The following CELA3A variants were observed in gnomAD, a reference collection of about 807,000 sequenced individuals.
CELA3A encodes chymotrypsin-like elastase family member 3A.
A neutral mutation model predicts 38.6 loss-of-function variants in CELA3A; 35 were observed. The observed-to-expected ratio is 0.91, with a 90% CI of 0.69 to 1.20. The LOEUF is 1.20. CELA3A is among the 50% of genes most tolerant of loss of function. The pLI is 0.00. For synonymous variants in CELA3A, 143 were observed against 136.7 expected, an observed-to-expected ratio of 1.05 and a Z score of -0.32; for missense variants, 343 against 354.2, an observed-to-expected ratio of 0.97 and a Z score of 0.25.
At chr1:22,010,334 A>C (rs1644976222) in intron 7 of CELA3A, 1 of 367,632 alleles carries the variant, frequency 2.7e-6, no homozygotes, top group Non-Finnish European at 5.6e-6. Context: ...AAAGAGAGTA[A>C]TAGCTGGGCA....
Position 22,009,836 on chromosome 1 carries a change from C to T in CELA3A, c.774C>T (p.Ala258=), listed in dbSNP as rs766568846. ...CCACGGTGTTCACTCGAGTCTCCGC[C>T]TTCATCGACTGGATTGAGGAGGTGA... The part of the protein sequence containing the change: ...WKPTVFTRVS[A]FIDWIEETIA... The change falls in exon 7 of 8, where the codon GCC becomes GCT. Residue 258 remains alanine (A), a synonymous_variant. Transcript: ENST00000290122. 29 of 1,612,544 alleles carry T rather than the reference C, an allele frequency of 1.8e-5. No homozygotes were observed. The African/African-American group carries it at 3.0e-4, about 16-fold the overall frequency.
chr1:22,009,574 T>TAA (rs5772979), intron 6 of CELA3A, 131 bp from the exon 7 acceptor site: 3 of 1,169,754 alleles, frequency 2.6e-6, no homozygotes, highest in East Asian at 2.9e-5. Context: ...TAATAAATGA[T>TAA]AAAAAAATGA....
At chr1:22,001,850 GGCAT>G in intron 1 of CELA3A, 133 bp downstream of exon 1, 1 of 1,299,864 alleles carries the variant, frequency 7.7e-7, no homozygotes, top group Non-Finnish European at 1.1e-6. Context: ...TGTACCCGGG[GGCAT>G]GACTGTAGGG....
In CELA3A at chr1:22,001,659, T is replaced by A; in HGVS notation, c.-16T>A. 1 of 1,611,894 alleles carries A rather than the reference T, an allele frequency of 6.2e-7. No individual in the cohort carries two copies. Among genetic ancestry groups the A allele is most frequent in the Non-Finnish European group, 8.5e-7 (1 of 1,179,274 alleles). On this transcript the variant is annotated 5_prime_UTR_variant, in exon 1 of 8. Coordinates refer to ENST00000290122, the MANE Select transcript of CELA3A (RefSeq NM_005747.5). ...AGCCCCAGGCTCTGTGCCCTTTTCC[T>A]ATCATCACAAAACTCATGATGCTCC...
chr1:22,007,048 C>G, intron 5 of CELA3A, 34 bp downstream of exon 5: 1 of 1,606,780 alleles, frequency 6.2e-7, no homozygotes, highest in Non-Finnish European at 8.5e-7. Context: ...GCCACAGAGA[C>G]AGTGGCAGAA....
Position 22,005,683 on chromosome 1 carries a change from G to A in CELA3A, c.249G>A (p.Val83=). Residue 83 remains valine (V), a synonymous_variant, in exon 4 of 8, where the codon GTG becomes GTA. Coordinates refer to ENST00000290122, the MANE Select transcript of CELA3A (RefSeq NM_005747.5). ...HCISRDLTYQ[V]VLGEYNLAVK... Reference sequence around the variant, plus strand: ...GCAGGAGGGATCTGACCTACCAGGTGGTGTTGGGTGAGTACAACCTTGCTG... The same window carrying A: ...GCAGGAGGGATCTGACCTACCAGGTAGTGTTGGGTGAGTACAACCTTGCTG... 1 of 1,612,450 alleles carries A rather than the reference G, an allele frequency of 6.2e-7. No homozygotes were observed. The highest frequency in any genetic ancestry group is 8.5e-7 in the Non-Finnish European group (1 of 1,179,454).
intron 7 of CELA3A, among the ~76,000 whole-genome samples, chr1:22,011,866 A>G (rs1392076011): frequency 7.9e-6 from 1 of 126,142 alleles, no homozygotes; most frequent in Non-Finnish European, 1.6e-5. Flanking sequence ...CATCCTGGCT[A>G]ACACGGTGAA....
chr1:22,007,922 T>C (rs6696789), intron 6 of CELA3A, among the ~76,000 whole-genome samples: 143,837 of 150,886 alleles, frequency 0.95, 68,914 homozygotes, highest in Middle Eastern at 0.99. Flanking sequence ...GAGGCTGAGG[T>C]GGGAGGATTG....
At chr1:22,002,711 T>C (rs930940695) in intron 1 of CELA3A, 13 of 434,136 alleles carry the variant, frequency 3.0e-5, no homozygotes, top group Non-Finnish European at 5.7e-5. Flanking sequence ...TAGCTCTCAC[T>C]TTTTGAGGGC....
In CELA3A at chr1:22,005,671, G is replaced by A. The variant is rs749150111; in HGVS notation, c.237G>A (p.Leu79=). The A allele has an allele frequency of 6.2e-7, 1 of 1,612,460 alleles. No homozygotes were observed. Among genetic ancestry groups the A allele is most frequent in the South Asian group, 1.1e-5 (1 of 91,028 alleles). Residue 79 remains leucine, a synonymous_variant, in exon 4 of 8, where the codon CTG becomes CTA. Transcript: ENST00000290122. ...VTAGHCISRD[L]TYQVVLGEYN... The stretch of plus-strand genomic sequence containing the variant: ...TCACCTCTGCCTGCAGGAGGGATCT[G>A]ACCTACCAGGTGGTGTTGGGTGAGT...
chr1:22,007,426 T>A lies in CELA3A; in HGVS notation c.553T>A (p.Tyr185Asn), dbSNP rs1319437754. ...GCAGGCCCGGCTGCCCGTGGTGGAC[T>A]ATAAGCACTGCTCCAGGTGGAACTG... ...LQQARLPVVDYKHCSRWNWWG... is the reference protein window; with the variant it reads ...LQQARLPVVDNKHCSRWNWWG... The change falls in exon 6 of 8, where the codon TAT (tyrosine) becomes AAT (asparagine). Residue 185 changes from tyrosine (Y) to asparagine (N), a missense_variant. Coordinates refer to ENST00000290122, the MANE Select transcript of CELA3A (RefSeq NM_005747.5). The A allele has an allele frequency of 6.2e-7, 1 of 1,612,576 alleles. No homozygotes were observed. Among genetic ancestry groups the A allele is most frequent in the Non-Finnish European group, 8.5e-7 (1 of 1,179,424 alleles).
intron 5 of CELA3A, 135 bp from the exon 6 acceptor site, chr1:22,007,238 A>G: frequency 7.4e-7 from 1 of 1,344,406 alleles, no homozygotes; most frequent in Non-Finnish European, 1.0e-6. Flanking sequence ...TGCACAAAGC[A>G]TGCAGGACCA....
intron 1 of CELA3A, 48 bp from the exon 2 acceptor site, chr1:22,002,955 G>C (rs367638689): frequency 6.5e-7 from 1 of 1,538,002 alleles, no homozygotes; most frequent in Non-Finnish European, 8.9e-7. Flanking sequence ...CCTCCTCTTT[G>C]CTTTTGGGGA....
intron 4 of CELA3A, among the ~76,000 whole-genome samples, chr1:22,006,457 G>A (rs978850426): frequency 6.6e-6 from 1 of 151,260 alleles, no homozygotes; most frequent in Non-Finnish European, 1.5e-5. Flanking sequence ...AACTCGGGAG[G>A]CGGAGGCTGC....
At position 22,005,539 on chromosome 1, in the gene CELA3A, C is replaced by T. The variant is rs1462546232; in HGVS notation, c.222C>T (p.Cys74=). The T allele has an allele frequency of 1.2e-6, 2 of 1,612,780 alleles. No homozygotes were observed. The highest frequency in any genetic ancestry group is 1.7e-6 in the Non-Finnish European group (2 of 1,179,568). ...APDWVVTAGH[C]ISRDLTYQVV... is the part of the protein sequence containing the mutation. ...ATTGGGTTGTGACTGCCGGCCACTGCATCTCGTGAGTTCTCTACCCTGTCC... is the reference window on the plus strand; with the variant it reads ...ATTGGGTTGTGACTGCCGGCCACTGTATCTCGTGAGTTCTCTACCCTGTCC... Residue 74 remains cysteine (C), a synonymous_variant, in exon 3 of 8, where the codon TGC becomes TGT. Transcript: ENST00000290122.
intron 6 of CELA3A, 62 bp from the exon 7 acceptor site, chr1:22,009,643 C>G: frequency 6.3e-7 from 1 of 1,575,554 alleles, no homozygotes. Context: ...CCCTAGAATT[C>G]AGAACCAGTT....
Position 22,005,667 on chromosome 1 carries a change from A to C in CELA3A, c.233A>C (p.Asp78Ala), listed in dbSNP as rs370867271. 5 of 1,612,178 alleles carry C rather than the reference A, an allele frequency of 3.1e-6. No individual in the cohort carries two copies. Among genetic ancestry groups the C allele is most frequent in the Non-Finnish European group, 4.2e-6 (5 of 1,179,410 alleles). ...VVTAGHCISRDLTYQVVLGEY... is the reference protein window; with the variant it reads ...VVTAGHCISRALTYQVVLGEY... ...GACCTCACCTCTGCCTGCAGGAGGGATCTGACCTACCAGGTGGTGTTGGGT... is the reference window on the plus strand; with the variant it reads ...GACCTCACCTCTGCCTGCAGGAGGGCTCTGACCTACCAGGTGGTGTTGGGT... The change falls in exon 4 of 8, where the codon GAT (aspartate) becomes GCT (alanine). Residue 78 changes from aspartate to alanine, a missense_variant. Physicochemically the swap from Asp to Ala is moderately radical, Grantham distance 126 (BLOSUM62 -2). Transcript: ENST00000290122.
chr1:22,008,177 A>G (rs1644962624), intron 6 of CELA3A, among the ~76,000 whole-genome samples: 2 of 26,628 alleles, frequency 7.5e-5, no homozygotes, highest in Admixed American at 6.6e-4. Context: ...TTGAGACAGG[A>G]TCTTGCTCTG....
At position 22,006,716 on chromosome 1, in the gene CELA3A, C is replaced by CAATAAT. The variant is rs111798236; in HGVS notation, c.363-140_363-135dup. ...TGGGCAACAGACCGAGACTCTGTCT[C>CAATAAT]AATAATAATAATAATAATAATAATA... On this transcript the variant is annotated intron_variant, in intron 4 of 7. Coordinates refer to ENST00000290122, the MANE Select transcript of CELA3A (RefSeq NM_005747.5). Among the ~76,000 whole-genome samples the CAATAAT allele has an allele frequency of 1.6e-4, 24 of 145,508 alleles. 1 individual carries two copies. Among genetic ancestry groups the CAATAAT allele is most frequent in the East Asian group, 6.1e-4 (3 of 4,914 alleles).
Sources: gnomAD v4.1 joint callset for allele counts (sites outside exome capture counted in the v4.1 genomes callset) on GRCh38, gnomAD v4.1.1 for gene constraint, MANE v1.5 for transcripts, NCBI Gene and HGNC (gene_info 2026-07-23, HGNC 2026-07-21) for gene names.